ZFYVE16: variants seen among roughly 807,000 people sequenced by gnomAD.
ZFYVE16 encodes zinc finger FYVE domain-containing protein 16.
Under a neutral mutation model 138.1 loss-of-function variants are expected in ZFYVE16, and 89 were observed. The ratio of observed to expected loss-of-function variants is 0.64; its 90% CI spans 0.54 to 0.77. ZFYVE16 has a LOEUF of 0.77. Among genes scored for constraint, ZFYVE16 ranks in the 30% least tolerant of loss-of-function variants. The pLI, the probability that ZFYVE16 is intolerant of heterozygous loss-of-function variation, is 0.00. For missense variants in ZFYVE16, 1,793 were observed against 1,786.7 expected (o/e 1.00, Z -0.06); for synonymous variants, 596 against 618.3 (o/e 0.96, Z 0.53).
chr5:80,456,200 A>T (rs1283312225), intron 12 of ZFYVE16: 1 of 331,150 alleles, frequency 3.0e-6, no homozygotes, highest in Non-Finnish European at 5.5e-6. Flanking sequence ...CCTTCCACCT[A>T]TACTTTTTGT....
rs1749648736 is a variant in ZFYVE16, at chr5:80,434,850, GTATTT to G, written c.70+643_70+647del. On this transcript the variant is annotated intron_variant, in intron 3 of 18. Coordinates refer to ENST00000505560, the MANE Select transcript of ZFYVE16 (RefSeq NM_001284236.3). ...TGATATTTCATTACAACAAGAGATG[GTATTT>G]TATTTTATTATTATTTCTTTTTTGA... 5.9e-5 allele frequency among the ~76,000 whole-genome samples: 9 copies of G among 151,878 alleles called. No individual in the cohort carries two copies. In the South Asian group the frequency reaches 1.9e-3, roughly 32 times the overall value.
intron 15 of ZFYVE16, among the ~76,000 whole-genome samples, chr5:80,468,108 A>C (rs900913184): frequency 6.6e-6 from 1 of 152,004 alleles, no homozygotes; most frequent in African/African-American, 2.4e-5. Context: ...AAGTCCTTTG[A>C]TTTTTTCATG....
intron 11 of ZFYVE16, among the ~76,000 whole-genome samples, chr5:80,453,093 A>G (rs546042735): frequency 7.9e-5 from 12 of 152,348 alleles, no homozygotes; most frequent in South Asian, 2.1e-4. Context: ...TTGAGAAGCT[A>G]TAAAAGTGGT....
intron 10 of ZFYVE16, 70 bp downstream of exon 10, chr5:80,450,656 G>T: frequency 6.8e-7 from 1 of 1,474,868 alleles, no homozygotes; most frequent in Non-Finnish European, 9.2e-7. Flanking sequence ...TTATGGTTTT[G>T]GCTGTGCTAG....
In ZFYVE16 at chr5:80,440,001, A is replaced by G. The variant is rs1561281418; in HGVS notation, c.2388A>G (p.Val796=). 1.2e-6 allele frequency: 2 copies of G among 1,611,382 alleles called. No homozygotes were observed. Among genetic ancestry groups the G allele is most frequent in the Non-Finnish European group, 1.7e-6 (2 of 1,178,682 alleles). The part of the protein sequence containing the change: ...KLQYLEKEAR[V]CVVCYETISK... The stretch of plus-strand genomic sequence containing the variant: ...AATATCTAGAAAAGGAAGCAAGAGT[A>G]TGTGTAGTCTGCTATGAAACTATTA... The change falls in exon 5 of 19, where the codon GTA becomes GTG. Residue 796 remains valine, a synonymous_variant. Coordinates refer to ENST00000505560, the MANE Select transcript of ZFYVE16 (RefSeq NM_001284236.3).
At chr5:80,411,134 ATTTTTTTT>A (rs58086060) in intron 1 of ZFYVE16, among the ~76,000 whole-genome samples, 6 of 95,244 alleles carry the variant, frequency 6.3e-5, no homozygotes, top group African/African-American at 2.4e-4. Context: ...CGCCCAGCTA[ATTTTTTTT>A]TTTTTTTTTT....
At chr5:80,415,929 G>A (rs1250583881) in intron 1 of ZFYVE16, among the ~76,000 whole-genome samples, 3 of 152,056 alleles carry the variant, frequency 2.0e-5, no homozygotes, top group Non-Finnish European at 1.5e-5. Context: ...GCCTCCCAAA[G>A]TGCTGGGATT....
At chr5:80,433,882 A>C (rs935527349) in intron 2 of ZFYVE16, among the ~76,000 whole-genome samples, 1 of 152,162 alleles carries the variant, frequency 6.6e-6, no homozygotes, top group African/African-American at 2.4e-5. Flanking sequence ...GTGTTTAAAA[A>C]TTTACAATAG....
intron 7 of ZFYVE16, among the ~76,000 whole-genome samples, chr5:80,445,630 C>T (rs886478972): frequency 6.8e-6 from 1 of 147,670 alleles, no homozygotes; most frequent in Non-Finnish European, 1.5e-5. Context: ...GCATAATTAC[C>T]AGTCACTGCA....
At chr5:80,471,586 G>A (rs564927083) in intron 15 of ZFYVE16, among the ~76,000 whole-genome samples, 118 of 152,220 alleles carry the variant, frequency 7.8e-4, no homozygotes, top group Non-Finnish European at 1.2e-3. Context: ...TTGGCACCAC[G>A]GGACCAGAAG....
intron 18 of ZFYVE16, 136 bp from the exon 19 acceptor site, chr5:80,477,083 A>T (rs913841144): frequency 5.6e-6 from 4 of 712,988 alleles, no homozygotes; most frequent in Non-Finnish European, 8.4e-6. Flanking sequence ...AGAATGTAGA[A>T]TTTTTTTATA....
intron 5 of ZFYVE16, among the ~76,000 whole-genome samples, chr5:80,442,801 A>G (rs187422820): frequency 2.6e-5 from 4 of 152,246 alleles, no homozygotes; most frequent in African/African-American, 7.2e-5. Context: ...TCTCTAAACT[A>G]TGTTGGAAAT....
chr5:80,437,707 C>G lies in ZFYVE16; in HGVS notation c.1022C>G (p.Ser341Cys). ...FQEDKTVIKQ[S>C]AQEDSKSLDL... ...GAAGATAAGACTGTTATAAAACAAT[C>G]TGCACAAGAAGACTCAAAAAGTTTA... Residue 341 changes from serine to cysteine, a missense_variant, in exon 4 of 19, where the codon TCT (serine) becomes TGT (cysteine). By Grantham distance (112) the Ser-to-Cys change is moderately radical. Coordinates refer to ENST00000505560, the MANE Select transcript of ZFYVE16 (RefSeq NM_001284236.3). 1 of 1,613,898 alleles carries G rather than the reference C, an allele frequency of 6.2e-7. No individual in the cohort carries two copies. Among genetic ancestry groups the G allele is most frequent in the Non-Finnish European group, 8.5e-7 (1 of 1,179,932 alleles).
At position 80,437,356 on chromosome 5, in the gene ZFYVE16, C is replaced by A. The variant is rs1021723426; in HGVS notation, c.671C>A (p.Thr224Lys). 2 of 1,601,420 alleles carry A rather than the reference C, an allele frequency of 1.2e-6. No homozygotes were observed. Among genetic ancestry groups the A allele is most frequent in the African/African-American group, 2.7e-5 (2 of 74,010 alleles). Residue 224 changes from threonine to lysine, a missense_variant, in exon 4 of 19, where the codon ACA becomes AAA. Physicochemically the swap from Thr to Lys is moderately conservative, Grantham distance 78 (BLOSUM62 -1). Coordinates refer to ENST00000505560, the MANE Select transcript of ZFYVE16 (RefSeq NM_001284236.3). Reference sequence around the variant, plus strand: ...TCAGATTCCTATAATTACAGTGGAACAGAAAATTTAAAAGATAAAAAGATC... The same window carrying A: ...TCAGATTCCTATAATTACAGTGGAAAAGAAAATTTAAAAGATAAAAAGATC... ...TLSDSYNYSG[T>K]ENLKDKKIFN...
chr5:80,437,048 A>G lies in ZFYVE16; in HGVS notation c.363A>G (p.Arg121=), dbSNP rs1382407345. Reference sequence around the variant, plus strand: ...AAATCCAGCCGTTATATATGGGACGATGTAGTAAACCTATCTGTGATCTGA... The same window carrying G: ...AAATCCAGCCGTTATATATGGGACGGTGTAGTAAACCTATCTGTGATCTGA... ...SDEIQPLYMG[R]CSKPICDLIS... The change falls in exon 4 of 19, where the codon CGA becomes CGG. Residue 121 remains arginine (R), a synonymous_variant. Transcript: ENST00000505560. The G allele has an allele frequency of 1.2e-6, 2 of 1,614,180 alleles. No homozygotes were observed. Among genetic ancestry groups the G allele is most frequent in the Non-Finnish European group, 1.7e-6 (2 of 1,180,024 alleles).
rs144632803 is a variant in ZFYVE16, at chr5:80,437,249, A to G, written c.564A>G (p.Gln188=). The G allele has an allele frequency of 6.2e-7, 1 of 1,613,722 alleles. No homozygotes were observed. Among genetic ancestry groups the G allele is most frequent in the African/African-American group, 1.3e-5 (1 of 74,946 alleles). The change falls in exon 4 of 19, where the codon CAA becomes CAG. Residue 188 remains glutamine (Q), a synonymous_variant. Transcript: ENST00000505560. ...TDHDSDTVRE[Q]QNDISSELQN... ...ATGATAGTGATACTGTCAGAGAACA[A>G]CAGAATGATATCAGTTCTGAATTAC...
At chr5:80,443,580 T>C (rs1186832254) in intron 6 of ZFYVE16, among the ~76,000 whole-genome samples, 1 of 152,142 alleles carries the variant, frequency 6.6e-6, no homozygotes, top group Non-Finnish European at 1.5e-5. Flanking sequence ...ATCTCAGATG[T>C]GGGAGTCAGA....
intron 15 of ZFYVE16, among the ~76,000 whole-genome samples, chr5:80,471,443 GATGTT>G: frequency 1.3e-5 from 2 of 152,258 alleles, no homozygotes; most frequent in South Asian, 2.1e-4. Flanking sequence ...TCTGCATACA[GATGTT>G]ATGTTAAAGA....
intron 1 of ZFYVE16, among the ~76,000 whole-genome samples, chr5:80,413,181 A>T: frequency 7.3e-6 from 1 of 137,342 alleles, no homozygotes; most frequent in East Asian, 2.2e-4. Context: ...GTCTCAAAAA[A>T]GAAGAGAGGG....
Sources: gnomAD v4.1 joint callset for allele counts (sites outside exome capture counted in the v4.1 genomes callset) on GRCh38, gnomAD v4.1.1 for gene constraint, MANE v1.5 for transcripts, NCBI Gene and HGNC (gene_info 2026-07-23, HGNC 2026-07-21) for gene names.